The following UCKL1 variants were observed in gnomAD, a reference collection of about 807,000 sequenced individuals.
UCKL1 encodes the protein uridine-cytidine kinase 1 like 1.
UCKL1 carries 65 observed loss-of-function variants against 59.2 expected under a neutral mutation model. That is an observed-to-expected ratio of 1.10 (90% CI 0.90 to 1.35). UCKL1 has a LOEUF of 1.35. UCKL1 is among the 40% of genes most tolerant of loss of function. The probability of loss-of-function intolerance (pLI) is 0.00; values close to 1 mark genes in which losing one functional copy is unlikely to be tolerated. For synonymous variants in UCKL1, 410 were observed against 323.1 expected (o/e 1.27, Z -2.88); for missense variants, 703 against 784.3 (o/e 0.90, Z 1.24).
intron 8 of UCKL1, chr20:63,942,479 C>T (rs2054853353): frequency 1.7e-6 from 2 of 1,175,830 alleles, no homozygotes; most frequent in East Asian, 6.4e-5. Flanking sequence ...CATATCCCAA[C>T]GTAGCTTCCT....
chr20:63,941,172 C>A lies in UCKL1; in HGVS notation c.960G>T (p.Leu320=). The stretch of plus-strand genomic sequence containing the variant: ...TCTTCAGGACGCTCAGCGTCCGGGG[C>A]AGCGGGTGGCACTGGTGTGCCGAGG... ...ALASAHQCHP[L]PRTLSVLKST... is the part of the protein sequence containing the mutation. Residue 320 remains leucine (L), a synonymous_variant, in exon 9 of 15, where the codon CTG becomes CTT. Coordinates refer to ENST00000354216, the MANE Select transcript of UCKL1 (RefSeq NM_017859.4). 1 of 1,572,094 alleles carries A rather than the reference C, an allele frequency of 6.4e-7. No homozygotes were observed. Among genetic ancestry groups the A allele is most frequent in the Non-Finnish European group, 8.6e-7 (1 of 1,164,862 alleles).
rs2146335133 is a variant in UCKL1, at chr20:63,940,150, C to T, written c.1567G>A (p.Gly523Arg). 1 of 1,612,628 alleles carries T rather than the reference C, an allele frequency of 6.2e-7. No individual in the cohort carries two copies. Among genetic ancestry groups the T allele is most frequent in the East Asian group, 2.2e-5 (1 of 44,862 alleles). The change falls in exon 14 of 15, where the codon GGG (glycine) becomes AGG (arginine). Residue 523 changes from glycine to arginine, a missense_variant and splice_region_variant. Physicochemically the swap from Gly to Arg is moderately radical, Grantham distance 125. Around this residue, in one of 4 missense-constraint regions of UCKL1, gnomAD observed 124 missense variants for 161.1 expected, o/e 0.77. Coordinates refer to ENST00000354216, the MANE Select transcript of UCKL1 (RefSeq NM_017859.4). Reference sequence around the variant, plus strand: ...GGCTGAAGGGCCCGGGCAGCCTCACCAATGCCTGGGATGATGCGGAAAAGG... The same window carrying T: ...GGCTGAAGGGCCCGGGCAGCCTCACTAATGCCTGGGATGATGCGGAAAAGG... ...NDLFRIIPGI[G>R]NFGDRYFGTD...
At position 63,947,306 on chromosome 20, in the gene UCKL1, G is replaced by A. The variant is rs1373517645; in HGVS notation, c.114-663C>T. On this transcript the variant is annotated intron_variant, in intron 1 of 14. Transcript: ENST00000354216. ...AGGCTCTGTCCCCTAGGGGACTCAA[G>A]GTGGGCCTGTGAAAGGCAGGTGAGA... Among the ~76,000 whole-genome samples, 5 of 152,352 alleles carry A rather than the reference G, an allele frequency of 3.3e-5. No homozygotes were observed. The South Asian group carries it at 8.3e-4, about 25-fold the overall frequency.
rs755304313 is a variant in UCKL1, at chr20:63,956,393, C to T, written c.-21G>A. The T allele has an allele frequency of 7.9e-6, 11 of 1,392,420 alleles. No individual in the cohort carries two copies. The highest frequency in any genetic ancestry group is 2.9e-5 in the East Asian group (1 of 34,538). 86.3% of individuals were successfully genotyped at this position (1,392,420 alleles called of 1,614,324 possible). A position where few individuals can be genotyped will look rare whatever the true frequency, so the allele number is the denominator to read the frequency against. On this transcript the variant is annotated 5_prime_UTR_variant, in exon 1 of 15. Coordinates refer to ENST00000354216, the MANE Select transcript of UCKL1 (RefSeq NM_017859.4). Reference sequence around the variant, plus strand: ...GCCATGGCGCTCGGAGGCCTCTTTGCGGGCCTGGCCGGGCGGCGCGCATGG... The same window carrying T: ...GCCATGGCGCTCGGAGGCCTCTTTGTGGGCCTGGCCGGGCGGCGCGCATGG...
intron 8 of UCKL1, 45 bp downstream of exon 8, chr20:63,943,608 T>G: frequency 1.2e-6 from 2 of 1,611,942 alleles, no homozygotes; most frequent in Non-Finnish European, 1.7e-6. Flanking sequence ...TCCTTGGAGG[T>G]GTTGGAAGTG....
At position 63,946,506 on chromosome 20, in the gene UCKL1, C is replaced by G; in HGVS notation, c.251G>C (p.Arg84Pro). The change falls in exon 2 of 15, where the codon CGG (arginine) becomes CCG (proline). Residue 84 changes from arginine (R) to proline (P), a missense_variant. Around this residue, in one of 4 missense-constraint regions of UCKL1, gnomAD observed 398 missense variants for 373.0 expected, o/e 1.07. Coordinates refer to ENST00000354216, the MANE Select transcript of UCKL1 (RefSeq NM_017859.4). Reference sequence around the variant, plus strand: ...GCCGTGTTCATTGTACCAGGGCGGCCGCCCGGCGGTGTAGATGGTACGCTT... The same window carrying G: ...GCCGTGTTCATTGTACCAGGGCGGCGGCCCGGCGGTGTAGATGGTACGCTT... ...TSKRTIYTAG[R>P]PPWYNEHGTQ... 6.3e-7 allele frequency: 1 copy of G among 1,592,632 alleles called. No individual in the cohort carries two copies. The highest frequency in any genetic ancestry group is 8.6e-7 in the Non-Finnish European group (1 of 1,169,284).
At chr20:63,954,010 G>T in intron 1 of UCKL1, 1 of 153,198 alleles carries the variant, frequency 6.5e-6, no homozygotes. Context: ...AAGTTTGCTG[G>T]ATAACTAAAA....
At chr20:63,947,049 C>T (rs1170540721) in intron 1 of UCKL1, among the ~76,000 whole-genome samples, 1 of 151,900 alleles carries the variant, frequency 6.6e-6, no homozygotes, top group East Asian at 1.9e-4. Context: ...CCACTGCACT[C>T]CAGTCTGGGT....
chr20:63,940,510 C>T (rs375573364), intron 12 of UCKL1, 25 bp from the exon 13 acceptor site: 2 of 1,606,768 alleles, frequency 1.2e-6, no homozygotes, highest in African/African-American at 1.3e-5. Context: ...GGTCAGGCTG[C>T]AGGTGGGGCT....
chr20:63,942,402 G>T, intron 8 of UCKL1: 2 of 1,174,642 alleles, frequency 1.7e-6, no homozygotes, highest in Non-Finnish European at 1.1e-6. Flanking sequence ...AGGGCCTAGC[G>T]GGAGCAGCGG....
chr20:63,947,475 C>T (rs571779962), intron 1 of UCKL1, among the ~76,000 whole-genome samples: 53 of 152,306 alleles, frequency 3.5e-4, no homozygotes, highest in African/African-American at 8.9e-4. Flanking sequence ...GCGCACACAC[C>T]GAGGGTGAGG....
intron 1 of UCKL1, chr20:63,950,850 C>T: frequency 2.7e-6 from 4 of 1,495,124 alleles, no homozygotes; most frequent in Middle Eastern, 1.8e-4. Flanking sequence ...GGTGGGTGCT[C>T]CTGAACAGCA....
At chr20:63,950,644 G>C (rs1285719356) in intron 1 of UCKL1, 1 of 1,234,890 alleles carries the variant, frequency 8.1e-7, no homozygotes, top group South Asian at 2.0e-5. Flanking sequence ...GAGAGCACCT[G>C]CCAGCCTGTT....
In UCKL1 at chr20:63,940,388, C is replaced by T. The variant is rs1178869135; in HGVS notation, c.1400G>A (p.Arg467His). The change falls in exon 13 of 15, where the codon CGC becomes CAC. Residue 467 changes from arginine to histidine, a missense_variant. Transcript: ENST00000354216. ...CCAGGGCTCACTCACCAGGAGCACGCGCACTGCCATCATGGCCGCCGCGCC... is the reference window on the plus strand; with the variant it reads ...CCAGGGCTCACTCACCAGGAGCACGTGCACTGCCATCATGGCCGCCGCGCC... ...STGAAAMMAV[R>H]VLLDHDVPED... 2 of 1,611,666 alleles carry T rather than the reference C, an allele frequency of 1.2e-6. No individual in the cohort carries two copies. The highest frequency in any genetic ancestry group is 1.7e-6 in the Non-Finnish European group (2 of 1,179,242).
chr20:63,946,044 C>T (rs1484878239), intron 3 of UCKL1, 69 bp from the exon 4 acceptor site: 1 of 1,610,094 alleles, frequency 6.2e-7, no homozygotes, highest in Middle Eastern at 1.7e-4. Context: ...CGGACAGGGG[C>T]TCTAGGCCTC....
At position 63,940,073 on chromosome 20, in the gene UCKL1, G is replaced by GT. The variant is rs2053943678; in HGVS notation, c.1568-19_1568-18insA. 1 of 1,609,442 alleles carries GT rather than the reference G, an allele frequency of 6.2e-7. No individual in the cohort carries two copies. The highest frequency in any genetic ancestry group is 8.5e-7 in the Non-Finnish European group (1 of 1,178,638). ...AAAGTTCCCTGGAAAAAGGGGGGGG[G>GT]GGGTCCAGTGTGGTGGGGCCTCCCA... is the stretch of plus-strand genomic sequence containing the variant. On this transcript the variant is annotated intron_variant, in intron 14 of 14. Transcript: ENST00000354216.
At chr20:63,945,466 C>T (rs562559889) in intron 5 of UCKL1, among the ~76,000 whole-genome samples, 185 bp downstream of exon 5, 2 of 152,218 alleles carry the variant, frequency 1.3e-5, no homozygotes, top group Non-Finnish European at 2.9e-5. Flanking sequence ...CCACGCTCTG[C>T]CTTTTGGGGC....
At chr20:63,946,135 C>G in intron 3 of UCKL1, 26 bp downstream of exon 3, 1 of 1,610,654 alleles carries the variant, frequency 6.2e-7, no homozygotes, top group Non-Finnish European at 8.5e-7. Context: ...CAAAGGGGTC[C>G]TCGGGGGAGC....
Position 63,940,714 on chromosome 20 carries a change from G to T in UCKL1, c.1182C>A (p.Ile394=). 6.2e-7 allele frequency: 1 copy of T among 1,607,804 alleles called. No individual in the cohort carries two copies. Among genetic ancestry groups the T allele is most frequent in the Non-Finnish European group, 8.5e-7 (1 of 1,178,360 alleles). The change falls in exon 12 of 15, where the codon ATC becomes ATA. Residue 394 remains isoleucine (I), a splice_region_variant and synonymous_variant. Coordinates refer to ENST00000354216, the MANE Select transcript of UCKL1 (RefSeq NM_017859.4). ...CGGCGCGCAGAATGGACACACCGGT[G>T]ATCTGCGGGGAGGGGAGGCTAAGCG... is the stretch of plus-strand genomic sequence containing the variant. The part of the protein sequence containing the change: ...YAGKCYAGKQ[I]TGVSILRAGE...
Sources: allele counts gnomAD v4.1 joint callset (sites outside exome capture counted in the v4.1 genomes callset), GRCh38; gene constraint gnomAD v4.1.1; regional missense constraint gnomAD v4.1.1; transcripts MANE v1.5; gene names NCBI Gene and HGNC (gene_info 2026-07-23, HGNC 2026-07-21).